PPM1L: variants seen among roughly 807,000 people sequenced by gnomAD.
The protein encoded by PPM1L is protein phosphatase, Mg2+/Mn2+ dependent 1L.
In PPM1L, 13 loss-of-function variants were observed where a neutral mutation model predicts 31.4. The observed-to-expected ratio is 0.41, with a 90% CI of 0.27 to 0.66. The LOEUF (loss-of-function observed/expected upper bound fraction) is 0.66. Among genes scored for constraint, PPM1L ranks in the 30% least tolerant of loss-of-function variants. PPM1L has a pLI of 0.29. For synonymous variants in PPM1L, 184 were observed against 175.4 expected, an observed-to-expected ratio of 1.05 and a Z score of -0.39; for missense variants, 326 against 453.7, an observed-to-expected ratio of 0.72 and a Z score of 2.56.
intron 1 of PPM1L, among the ~76,000 whole-genome samples, chr3:160,840,075 A>G (rs576332062): frequency 9.2e-5 from 14 of 152,150 alleles, no homozygotes; most frequent in Non-Finnish European, 1.8e-4. Flanking sequence ...CTTTATGAGG[A>G]CTTTTCCAGA....
chr3:161,055,297 A>T (rs1719381422), intron 2 of PPM1L, among the ~76,000 whole-genome samples: 1 of 152,138 alleles, frequency 6.6e-6, no homozygotes, highest in Non-Finnish European at 1.5e-5. Flanking sequence ...TTATGCAGAC[A>T]AGAGTAGGGG....
chr3:160,781,018 A>G (rs1378055202), intron 1 of PPM1L, among the ~76,000 whole-genome samples: 1 of 152,172 alleles, frequency 6.6e-6, no homozygotes, highest in African/African-American at 2.4e-5. Context: ...TTTACTCTTC[A>G]TTTAGCAACT....
intron 1 of PPM1L, among the ~76,000 whole-genome samples, chr3:160,934,075 G>A (rs1714877795): frequency 6.6e-6 from 1 of 152,204 alleles, no homozygotes; most frequent in Admixed American, 6.5e-5. Flanking sequence ...TTAGATGTAA[G>A]TTGACAAGTT....
intron 1 of PPM1L, among the ~76,000 whole-genome samples, chr3:160,934,867 C>T (rs540105586): frequency 3.9e-4 from 59 of 152,012 alleles, no homozygotes; most frequent in African/African-American, 1.3e-3. Context: ...GCAGGAGGAC[C>T]ACTTGAGTCC....
intron 1 of PPM1L, among the ~76,000 whole-genome samples, chr3:160,875,791 C>A (rs750603519): frequency 6.6e-5 from 10 of 152,116 alleles, no homozygotes; most frequent in Non-Finnish European, 1.2e-4. Flanking sequence ...GTATCCAGGG[C>A]TATATGTGAC....
At chr3:160,937,319 G>A (rs1004930826) in intron 1 of PPM1L, among the ~76,000 whole-genome samples, 4 of 152,010 alleles carry the variant, frequency 2.6e-5, no homozygotes, top group Non-Finnish European at 5.9e-5. Flanking sequence ...AATGATGAAA[G>A]AATACAAAAC....
intron 1 of PPM1L, among the ~76,000 whole-genome samples, chr3:160,848,131 AT>A (rs1399209491): frequency 6.6e-6 from 1 of 152,240 alleles, no homozygotes; most frequent in Non-Finnish European, 1.5e-5. Context: ...CATAGTACAT[AT>A]TTAATAAATG....
chr3:160,952,594 A>C (rs1194981486), intron 1 of PPM1L, among the ~76,000 whole-genome samples: 1 of 152,172 alleles, frequency 6.6e-6, no homozygotes, highest in African/African-American at 2.4e-5. Context: ...TCAGTGCCAA[A>C]GTCTCCTCAC....
intron 1 of PPM1L, among the ~76,000 whole-genome samples, chr3:160,882,774 C>T (rs920123798): frequency 3.3e-5 from 5 of 152,148 alleles, no homozygotes; most frequent in Non-Finnish European, 5.9e-5. Flanking sequence ...CAGAGGTCAC[C>T]AATGTTATTT....
intron 2 of PPM1L, among the ~76,000 whole-genome samples, chr3:161,040,968 A>C (rs1718888886): frequency 6.6e-6 from 1 of 152,176 alleles, no homozygotes; most frequent in South Asian, 2.1e-4. Context: ...ACATACCTAG[A>C]TCTGTTTCTT....
chr3:160,843,170 C>A (rs1402220560), intron 1 of PPM1L, among the ~76,000 whole-genome samples: 1 of 151,452 alleles, frequency 6.6e-6, no homozygotes, highest in African/African-American at 2.4e-5. Context: ...GAATTTATTT[C>A]TTGAAGGAGA....
Position 161,060,757 on chromosome 3 carries a change from T to A in PPM1L, c.575-4646T>A, listed in dbSNP as rs186311334. Among the ~76,000 whole-genome samples, 575 of 151,966 alleles carry A rather than the reference T, an allele frequency of 3.8e-3. 7 individuals carry two copies. The highest frequency in any genetic ancestry group is 6.8e-3 in the Middle Eastern group (2 of 294). Reference sequence around the variant, plus strand: ...TTTTTAAGCTTTTTGGGTTTTTTTTTAAACCCATGAGATAAGGTTATTAGG... The same window carrying A: ...TTTTTAAGCTTTTTGGGTTTTTTTTAAAACCCATGAGATAAGGTTATTAGG... On this transcript the variant is annotated intron_variant, in intron 2 of 3. Coordinates refer to ENST00000498165, the MANE Select transcript of PPM1L (RefSeq NM_139245.4).
At chr3:161,053,527 G>C (rs1719332082) in intron 2 of PPM1L, among the ~76,000 whole-genome samples, 1 of 152,202 alleles carries the variant, frequency 6.6e-6, no homozygotes, top group East Asian at 1.9e-4. Context: ...ATGTGAAGTT[G>C]AAGAACATTT....
At chr3:161,022,314 A>G (rs1314927603) in intron 2 of PPM1L, 21 of 435,120 alleles carry the variant, frequency 4.8e-5, no homozygotes, top group South Asian at 6.2e-5. Context: ...ACCAAATTAT[A>G]TGCTTATACA....
At chr3:160,975,303 G>T (rs201463296) in intron 2 of PPM1L, among the ~76,000 whole-genome samples, 10,980 of 151,818 alleles carry the variant, frequency 0.072, 592 homozygotes, top group African/African-American at 0.13. Context: ...AAGTCAGGTA[G>T]TGTGATGCCT....
chr3:160,913,145 GGCTCAAGTAATA>G (rs1319494170), intron 1 of PPM1L, among the ~76,000 whole-genome samples: 4 of 152,088 alleles, frequency 2.6e-5, no homozygotes, highest in Non-Finnish European at 5.9e-5. Context: ...GAAGAACAGA[GGCTCAAGTAATA>G]GCTCAAAGAG....
At chr3:161,065,812 G>A (rs2108110654) in intron 3 of PPM1L, among the ~76,000 whole-genome samples, 1 of 152,188 alleles carries the variant, frequency 6.6e-6, no homozygotes, top group Admixed American at 6.5e-5. Context: ...AAGATCTTTG[G>A]GCCCCGGGTT....
intron 1 of PPM1L, among the ~76,000 whole-genome samples, chr3:160,887,255 G>A (rs760992797): frequency 5.3e-5 from 8 of 152,014 alleles, no homozygotes; most frequent in African/African-American, 1.4e-4. Context: ...TGAAGGAGAC[G>A]GGGAGAATAA....
At chr3:160,771,531 C>G (rs567339456) in intron 1 of PPM1L, among the ~76,000 whole-genome samples, 1 of 142,774 alleles carries the variant, frequency 7.0e-6, no homozygotes, top group South Asian at 2.2e-4. Context: ...TCACGAGCCA[C>G]CAAGGCTGGC....
Sources: gnomAD v4.1 joint callset for allele counts (sites outside exome capture counted in the v4.1 genomes callset) on GRCh38, gnomAD v4.1.1 for gene constraint, MANE v1.5 for transcripts, NCBI Gene and HGNC (gene_info 2026-07-23, HGNC 2026-07-21) for gene names.